TCF7L2: variants seen among roughly 807,000 people sequenced by gnomAD.
The protein encoded by TCF7L2 is transcription factor 7-like 2.
In TCF7L2, 23 loss-of-function variants were observed where a neutral mutation model predicts 77.9. The ratio of observed to expected loss-of-function variants is 0.30; its 90% CI spans 0.21 to 0.42. The LOEUF (loss-of-function observed/expected upper bound fraction) is 0.42. Ranked by LOEUF, TCF7L2 falls within the 10% of genes least tolerant of loss-of-function variation. The pLI is 1.00. For synonymous variants in TCF7L2, 413 were observed against 340.2 expected, an observed-to-expected ratio of 1.21 and a Z score of -2.36; for missense variants, 654 against 793.1, an observed-to-expected ratio of 0.82 and a Z score of 2.11.
At chr10:113,007,211 C>T (rs1301924347) in intron 4 of TCF7L2, among the ~76,000 whole-genome samples, 3 of 152,056 alleles carry the variant, frequency 2.0e-5, no homozygotes, top group Non-Finnish European at 4.4e-5. Flanking sequence ...TGTGTGGGGG[C>T]GTGTGATGCC....
chr10:113,051,234 CACACACACAG>C (rs1004656460), intron 5 of TCF7L2, among the ~76,000 whole-genome samples: 8 of 148,242 alleles, frequency 5.4e-5, no homozygotes, highest in African/African-American at 1.3e-4. Flanking sequence ...CACACACACA[CACACACACAG>C]ACACATACAT....
chr10:113,071,109 G>A (rs1436807713), intron 5 of TCF7L2, among the ~76,000 whole-genome samples: 1 of 152,150 alleles, frequency 6.6e-6, no homozygotes, highest in African/African-American at 2.4e-5. Context: ...TAGCTCAGAT[G>A]TCGCCCTAGG....
At chr10:113,076,291 C>T (rs758400236) in intron 5 of TCF7L2, among the ~76,000 whole-genome samples, 1 of 152,140 alleles carries the variant, frequency 6.6e-6, no homozygotes, top group African/African-American at 2.4e-5. Flanking sequence ...GTGTGAATTA[C>T]CATGCCTGGC....
intron 4 of TCF7L2, among the ~76,000 whole-genome samples, chr10:113,021,928 C>T (rs909201539): frequency 5.3e-5 from 8 of 152,142 alleles, no homozygotes; most frequent in South Asian, 2.1e-4. Context: ...TTATGCCTTG[C>T]GCTGGTAAGC....
intron 3 of TCF7L2, among the ~76,000 whole-genome samples, chr10:112,953,487 T>G (rs1461612011): frequency 1.3e-5 from 2 of 152,050 alleles, no homozygotes; most frequent in African/African-American, 4.8e-5. Flanking sequence ...CCAAGCAACA[T>G]TCCAAAGAAT....
At chr10:113,038,702 A>G (rs773979219) in intron 4 of TCF7L2, among the ~76,000 whole-genome samples, 1 of 151,958 alleles carries the variant, frequency 6.6e-6, no homozygotes, top group East Asian at 1.9e-4. Flanking sequence ...AAATTCTGTC[A>G]TCTTTCTTGG....
At position 113,089,213 on chromosome 10, in the gene TCF7L2, C is replaced by A. The variant is rs185015448; in HGVS notation, c.552+49087C>A. 1.9e-3 allele frequency among the ~76,000 whole-genome samples: 285 copies of A among 152,170 alleles called. 1 individual carries two copies. The highest frequency in any genetic ancestry group is 6.5e-3 in the African/African-American group (270 of 41,524). On this transcript the variant is annotated intron_variant, in intron 5 of 13. Transcript: ENST00000627217. Reference sequence around the variant, plus strand: ...GCATTTCAGATGTTCCTAGAAGGGACCCTGAGCTGGATGGCAGGGAAATAG... The same window carrying A: ...GCATTTCAGATGTTCCTAGAAGGGAACCTGAGCTGGATGGCAGGGAAATAG...
chr10:113,005,066 GC>G (rs887790576), intron 4 of TCF7L2, among the ~76,000 whole-genome samples: 4 of 152,186 alleles, frequency 2.6e-5, no homozygotes, highest in Non-Finnish European at 4.4e-5. Flanking sequence ...GAAGGGGGAG[GC>G]TTTTGTTTTA....
intron 5 of TCF7L2, among the ~76,000 whole-genome samples, chr10:113,061,589 C>T (rs1564840333): frequency 6.6e-6 from 1 of 152,242 alleles, no homozygotes; most frequent in Non-Finnish European, 1.5e-5. Context: ...ATATTTCACA[C>T]GTTATTAGTT....
chr10:113,024,136 A>C (rs2048711987), intron 4 of TCF7L2, among the ~76,000 whole-genome samples: 1 of 151,946 alleles, frequency 6.6e-6, no homozygotes, highest in Non-Finnish European at 1.5e-5. Context: ...CATCTCTACT[A>C]AAAATACAAA....
At chr10:113,089,541 G>A in intron 5 of TCF7L2, 4 of 1,613,664 alleles carry the variant, frequency 2.5e-6, no homozygotes, top group Non-Finnish European at 3.4e-6. Flanking sequence ...GTGTATTGAG[G>A]TAGGTCTCGG....
intron 5 of TCF7L2, among the ~76,000 whole-genome samples, chr10:113,103,663 G>A (rs115795693): frequency 6.3e-4 from 96 of 152,276 alleles, no homozygotes; most frequent in African/African-American, 2.0e-3. Context: ...CAATGCGTGA[G>A]ATGGCTCTGG....
chr10:112,964,332 T>C (rs2035999552), intron 3 of TCF7L2, among the ~76,000 whole-genome samples: 1 of 152,112 alleles, frequency 6.6e-6, no homozygotes, highest in Non-Finnish European at 1.5e-5. Context: ...GCTTATTGAA[T>C]AGGTGCTTAA....
At chr10:112,985,714 C>T (rs183937313) in intron 4 of TCF7L2, among the ~76,000 whole-genome samples, 79 of 152,142 alleles carry the variant, frequency 5.2e-4, no homozygotes, top group Admixed American at 3.1e-3. Context: ...CCTCCTGGGG[C>T]GAGGCTGTGG....
intron 4 of TCF7L2, among the ~76,000 whole-genome samples, chr10:112,969,106 T>C (rs1392917440): frequency 6.6e-6 from 1 of 152,214 alleles, no homozygotes; most frequent in African/African-American, 2.4e-5. Flanking sequence ...CCCAGAAGTC[T>C]ACCTTGTTTC....
chr10:113,006,647 T>C (rs1036661313), intron 4 of TCF7L2, among the ~76,000 whole-genome samples: 7 of 152,232 alleles, frequency 4.6e-5, no homozygotes, highest in African/African-American at 7.2e-5. Context: ...CTGATTCCTA[T>C]AGCCATAGAC....
intron 5 of TCF7L2, among the ~76,000 whole-genome samples, chr10:113,063,343 A>G (rs996963942): frequency 2.0e-5 from 3 of 152,164 alleles, no homozygotes; most frequent in African/African-American, 7.2e-5. Flanking sequence ...TTCGGGGGCC[A>G]CCCAACCAAA....
chr10:113,110,369 G>T (rs868761959), intron 5 of TCF7L2, among the ~76,000 whole-genome samples: 1,750 of 126,690 alleles, frequency 0.014, 188 homozygotes, highest in African/African-American at 0.047. Context: ...GTCTACTGGG[G>T]TTTTTTTTTT....
chr10:113,011,225 C>T (rs1313482412), intron 4 of TCF7L2, among the ~76,000 whole-genome samples: 1 of 152,106 alleles, frequency 6.6e-6, no homozygotes, highest in Non-Finnish European at 1.5e-5. Context: ...TTTTCTTACA[C>T]AGAGCTTAGG....
Sources: gnomAD v4.1 joint callset for allele counts (sites outside exome capture counted in the v4.1 genomes callset) on GRCh38, gnomAD v4.1.1 for gene constraint, MANE v1.5 for transcripts, NCBI Gene and HGNC (gene_info 2026-07-23, HGNC 2026-07-21) for gene names.